CDH20: variants seen among roughly 807,000 people sequenced by gnomAD.
CDH20 encodes the protein cadherin 20, also known as cadherin-20.
Under a neutral mutation model 74.2 loss-of-function variants are expected in CDH20, and 29 were observed. That is an observed-to-expected ratio of 0.39 (90% confidence interval 0.29 to 0.53). The LOEUF (loss-of-function observed/expected upper bound fraction) is 0.53, where lower values mean the gene tolerates loss of function less well. CDH20 is among the 20% of genes least tolerant of loss of function. CDH20 has a pLI of 0.69. For missense variants in CDH20, 988 were observed against 1,048.3 expected (o/e 0.94, Z 0.79); for synonymous variants, 469 against 405.4 (o/e 1.16, Z -1.88).
At chr18:61,483,651 C>G (rs1418399022) in intron 1 of CDH20, among the ~76,000 whole-genome samples, 1 of 152,160 alleles carries the variant, frequency 6.6e-6, no homozygotes, top group African/African-American at 2.4e-5. Flanking sequence ...CCCTCCTAAA[C>G]TGTAAACTCC....
chr18:61,431,602 A>G (rs534907837), intron 1 of CDH20, among the ~76,000 whole-genome samples: 35 of 152,328 alleles, frequency 2.3e-4, no homozygotes, highest in African/African-American at 8.4e-4. Flanking sequence ...TGAAAAGTGC[A>G]TATCTTAAAG....
chr18:61,435,040 C>T (rs1423716426), intron 1 of CDH20, among the ~76,000 whole-genome samples: 1 of 152,018 alleles, frequency 6.6e-6, no homozygotes, highest in African/African-American at 2.4e-5. Context: ...AGTATTTTCC[C>T]CCATATTACA....
chr18:61,444,756 A>G (rs988261312), intron 1 of CDH20, among the ~76,000 whole-genome samples: 1 of 152,114 alleles, frequency 6.6e-6, no homozygotes, highest in African/African-American at 2.4e-5. Context: ...CTTTACTAAA[A>G]TTCCTCAAAA....
chr18:61,424,916 C>T (rs1026101256), intron 1 of CDH20, among the ~76,000 whole-genome samples: 13 of 152,134 alleles, frequency 8.5e-5, no homozygotes, highest in Admixed American at 7.9e-4. Flanking sequence ...AGAGAGAAAA[C>T]AAATCAATAA....
intron 1 of CDH20, among the ~76,000 whole-genome samples, chr18:61,348,978 G>A (rs1025378171): frequency 5.3e-5 from 8 of 152,274 alleles, no homozygotes; most frequent in Middle Eastern, 3.4e-3. Flanking sequence ...GAATCTAGGC[G>A]TTGCTTTGTA....
chr18:61,373,129 T>C (rs2332329), intron 1 of CDH20, among the ~76,000 whole-genome samples: 122,773 of 151,690 alleles, frequency 0.81, 49,904 homozygotes, highest in East Asian at 0.99. Flanking sequence ...AAAGTTGTCT[T>C]ACACAGATGG....
At chr18:61,361,861 A>T (rs932037101) in intron 1 of CDH20, among the ~76,000 whole-genome samples, 10 of 152,214 alleles carry the variant, frequency 6.6e-5, no homozygotes, top group African/African-American at 2.4e-4. Context: ...ATGATACAAG[A>T]TGCCCTCATC....
At chr18:61,505,319 C>T (rs1911523406) in intron 5 of CDH20, among the ~76,000 whole-genome samples, 1 of 148,632 alleles carries the variant, frequency 6.7e-6, no homozygotes, top group Non-Finnish European at 1.5e-5. Flanking sequence ...TTTAGTCTTG[C>T]CTCCGAAACC....
chr18:61,433,012 A>G (rs1908704336), intron 1 of CDH20, among the ~76,000 whole-genome samples: 1 of 152,162 alleles, frequency 6.6e-6, no homozygotes, highest in African/African-American at 2.4e-5. Flanking sequence ...TCCCTGTCCT[A>G]TTAGGAGCAG....
intron 1 of CDH20, among the ~76,000 whole-genome samples, chr18:61,382,700 T>A (rs1911472118): frequency 6.6e-6 from 1 of 152,214 alleles, no homozygotes; most frequent in Non-Finnish European, 1.5e-5. Flanking sequence ...TTATTCTGAT[T>A]TTCCAGCCCA....
chr18:61,346,636 A>G (rs1910122728), intron 1 of CDH20, among the ~76,000 whole-genome samples: 1 of 152,236 alleles, frequency 6.6e-6, no homozygotes, highest in Non-Finnish European at 1.5e-5. Context: ...TTGCAAAAAA[A>G]GAAAAATCTA....
At chr18:61,464,453 A>G (rs1342404925) in intron 1 of CDH20, among the ~76,000 whole-genome samples, 1 of 152,052 alleles carries the variant, frequency 6.6e-6, no homozygotes, top group Non-Finnish European at 1.5e-5. Context: ...CTTTGTCTCC[A>G]TTAAAAAAAT....
chr18:61,371,540 G>A (rs1911039182), intron 1 of CDH20, among the ~76,000 whole-genome samples: 1 of 151,964 alleles, frequency 6.6e-6, no homozygotes, highest in Non-Finnish European at 1.5e-5. Context: ...TTAGATATAA[G>A]GAGAAAAATC....
At chr18:61,370,862 A>G (rs749080255) in intron 1 of CDH20, among the ~76,000 whole-genome samples, 1 of 152,120 alleles carries the variant, frequency 6.6e-6, no homozygotes, top group Non-Finnish European at 1.5e-5. Context: ...AAAAGTATTC[A>G]GTGACAAATC....
At chr18:61,493,596 T>C (rs901335756) in intron 2 of CDH20, among the ~76,000 whole-genome samples, 3 of 152,206 alleles carry the variant, frequency 2.0e-5, no homozygotes, top group African/African-American at 7.2e-5. Context: ...TGACCCCACA[T>C]GTGTGCCCAC....
intron 1 of CDH20, among the ~76,000 whole-genome samples, chr18:61,347,976 T>C (rs1348220595): frequency 6.6e-6 from 1 of 152,208 alleles, no homozygotes; most frequent in Non-Finnish European, 1.5e-5. Context: ...TTGATAATTA[T>C]AGCAATAAAG....
At chr18:61,521,167 T>C (rs1912193137) in intron 6 of CDH20, among the ~76,000 whole-genome samples, 1 of 150,944 alleles carries the variant, frequency 6.6e-6, no homozygotes, top group South Asian at 2.1e-4. Context: ...ACAAAATAGA[T>C]AGATTGCTAG....
chr18:61,536,744 A>C, intron 8 of CDH20, 115 bp downstream of exon 8: 1 of 913,936 alleles, frequency 1.1e-6, no homozygotes, highest in Admixed American at 2.3e-5. Context: ...GAAGAAATGG[A>C]AATCATGCTT....
chr18:61,411,272 G>A (rs1388563202), intron 1 of CDH20, among the ~76,000 whole-genome samples: 1 of 152,010 alleles, frequency 6.6e-6, no homozygotes, highest in African/African-American at 2.4e-5. Flanking sequence ...TGGCATGGAT[G>A]TGGTGAAAAG....
Sources: gnomAD v4.1 joint callset for allele counts (sites outside exome capture counted in the v4.1 genomes callset) on GRCh38, gnomAD v4.1.1 for gene constraint, MANE v1.5 for transcripts, NCBI Gene and HGNC (gene_info 2026-07-23, HGNC 2026-07-21) for gene names.